The following CYP4X1 variants were observed in gnomAD, a reference collection of about 807,000 sequenced individuals.
The protein encoded by CYP4X1 is cytochrome P450 4X1.
A neutral mutation model predicts 57.9 loss-of-function variants in CYP4X1; 44 were observed. The observed-to-expected ratio is 0.76, with a 90% CI of 0.60 to 0.98. The LOEUF is 0.98. Among genes scored for constraint, CYP4X1 ranks in the 50% least tolerant of loss-of-function variants. The pLI is 0.00. For missense variants in CYP4X1, 532 were observed against 623.9 expected (o/e 0.85, Z 1.57); for synonymous variants, 227 against 228.6 (o/e 0.99, Z 0.06).
At chr1:46,974,448 G>A in the CYP4X1 span, among the ~76,000 whole-genome samples, 2 of 152,098 alleles carry the variant, frequency 1.3e-5, no homozygotes, top group Non-Finnish European at 2.9e-5. Context: ...AAGCTCATTT[G>A]GTCAAGTGTC....
the CYP4X1 span, among the ~76,000 whole-genome samples, chr1:46,989,190 C>T: frequency 6.6e-6 from 1 of 152,170 alleles, no homozygotes; most frequent in Non-Finnish European, 1.5e-5. Flanking sequence ...TGATAAGAAA[C>T]TTCAGCAAAG....
chr1:46,980,723 C>T, the CYP4X1 span, among the ~76,000 whole-genome samples: 2 of 152,162 alleles, frequency 1.3e-5, no homozygotes, highest in African/African-American at 4.8e-5. Context: ...TACCTGACTT[C>T]AAACTATACT....
the CYP4X1 span, among the ~76,000 whole-genome samples, chr1:46,973,282 C>T: frequency 3.9e-5 from 6 of 151,968 alleles, no homozygotes; most frequent in African/African-American, 1.5e-4. Flanking sequence ...AAAGCCTACT[C>T]GATAGTGATA....
chr1:46,961,673 C>G, the CYP4X1 span: 1 of 1,291,494 alleles, frequency 7.7e-7, no homozygotes, highest in Non-Finnish European at 1.0e-6. Context: ...CTGGGAACCC[C>G]CTAGTCTCTA....
chr1:47,018,475 A>G, the CYP4X1 span, among the ~76,000 whole-genome samples: 1 of 152,088 alleles, frequency 6.6e-6, no homozygotes, highest in African/African-American at 2.4e-5. Flanking sequence ...ATGCTTGTAT[A>G]TTTAGTCATC....
intron 9 of CYP4X1, among the ~76,000 whole-genome samples, chr1:47,047,712 C>A (rs780628541): frequency 2.3e-4 from 35 of 152,278 alleles, no homozygotes; most frequent in Admixed American, 4.6e-4. Context: ...AGCAGTTCTC[C>A]TGCCTCAGCC....
chr1:46,977,760 G>A, the CYP4X1 span, among the ~76,000 whole-genome samples: 1 of 152,028 alleles, frequency 6.6e-6, no homozygotes, highest in Non-Finnish European at 1.5e-5. Context: ...AAGCCCATCA[G>A]ACTAACAGCT....
At chr1:47,033,496 CT>C in intron 4 of CYP4X1, 128 bp downstream of exon 4, 1 of 1,198,186 alleles carries the variant, frequency 8.3e-7, no homozygotes, top group Non-Finnish European at 1.1e-6. Flanking sequence ...TGTACACGTA[CT>C]TATTGAACAA....
chr1:46,966,437 G>C, the CYP4X1 span, among the ~76,000 whole-genome samples: 1 of 152,140 alleles, frequency 6.6e-6, no homozygotes, highest in African/African-American at 2.4e-5. Context: ...CCTGGTCCAT[G>C]GGTTTTAAAG....
the CYP4X1 span, chr1:46,961,893 C>T: frequency 5.5e-6 from 4 of 731,942 alleles, no homozygotes; most frequent in Non-Finnish European, 7.5e-6. Flanking sequence ...GGTTCAGTTG[C>T]TTTTTGGGGA....
At chr1:47,009,286 T>C in the CYP4X1 span, among the ~76,000 whole-genome samples, 2 of 151,800 alleles carry the variant, frequency 1.3e-5, no homozygotes, top group Non-Finnish European at 2.9e-5. Flanking sequence ...ACATGGAAAC[T>C]GAACAACCTG....
At chr1:47,025,504 A>G (rs1644053127) in intron 1 of CYP4X1, among the ~76,000 whole-genome samples, 1 of 152,218 alleles carries the variant, frequency 6.6e-6, no homozygotes, top group Admixed American at 6.5e-5. Context: ...TGTCCCAGTA[A>G]CTATATAGTA....
chr1:47,017,104 T>C, the CYP4X1 span, among the ~76,000 whole-genome samples: 41 of 152,374 alleles, frequency 2.7e-4, no homozygotes, highest in African/African-American at 9.1e-4. Context: ...ATTCATCTGT[T>C]GATGGACACT....
downstream of CYP4X1, among the ~76,000 whole-genome samples, chr1:47,053,114 G>C (rs891792087): frequency 6.6e-6 from 1 of 151,620 alleles, no homozygotes; most frequent in Non-Finnish European, 1.5e-5. Context: ...TCCCCTTCCT[G>C]TGTCCACGTG....
the CYP4X1 span, among the ~76,000 whole-genome samples, chr1:46,999,229 T>C: frequency 3.9e-5 from 6 of 152,202 alleles, no homozygotes; most frequent in Admixed American, 2.0e-4. Context: ...GTAGACTTTT[T>C]ATTACTGATT....
At chr1:46,966,662 C>A in the CYP4X1 span, among the ~76,000 whole-genome samples, 3 of 152,144 alleles carry the variant, frequency 2.0e-5, no homozygotes, top group Non-Finnish European at 4.4e-5. Context: ...AATTCACTCG[C>A]CCCTTTTCAT....
chr1:46,984,674 G>T, the CYP4X1 span, among the ~76,000 whole-genome samples: 1 of 152,304 alleles, frequency 6.6e-6, no homozygotes, highest in East Asian at 1.9e-4. Flanking sequence ...GTGCATTCCA[G>T]CCCAGATACT....
At chr1:47,044,428 G>C (rs759781548) in intron 8 of CYP4X1, among the ~76,000 whole-genome samples, 9 of 152,114 alleles carry the variant, frequency 5.9e-5, no homozygotes, top group African/African-American at 2.2e-4. Context: ...TAGTTTTGGA[G>C]ATGTGTCCCC....
upstream of CYP4X1, among the ~76,000 whole-genome samples, chr1:47,022,735 G>C (rs1332086641): frequency 6.6e-6 from 1 of 152,018 alleles, no homozygotes; most frequent in Non-Finnish European, 1.5e-5. Context: ...GCAGAAATTG[G>C]GTTTATTGTT....
Sources: gnomAD v4.1 joint callset for allele counts (sites outside exome capture counted in the v4.1 genomes callset) on GRCh38, gnomAD v4.1.1 for gene constraint, MANE v1.5 for transcripts, NCBI Gene and HGNC (gene_info 2026-07-23, HGNC 2026-07-21) for gene names.